SIK2: variants seen among roughly 807,000 people sequenced by gnomAD.
SIK2 encodes the protein serine/threonine-protein kinase SIK2.
In SIK2, 29 loss-of-function variants were observed where a neutral mutation model predicts 103.2. The observed-to-expected ratio is 0.28, with a 90% CI of 0.21 to 0.38. The LOEUF is 0.38. Among genes scored for constraint, SIK2 ranks in the 10% least tolerant of loss-of-function variants. The pLI is 1.00. For synonymous variants in SIK2, 412 were observed against 446.1 expected, an observed-to-expected ratio of 0.92 and a Z score of 0.96; for missense variants, 879 against 1,171.0, an observed-to-expected ratio of 0.75 and a Z score of 3.64.
At position 111,721,005 on chromosome 11, in the gene SIK2, C is replaced by A. The variant is rs767344630; in HGVS notation, c.1887C>A (p.Asp629Glu). 2.8e-5 allele frequency: 45 copies of A among 1,614,070 alleles called. No individual in the cohort carries two copies. The highest frequency in any genetic ancestry group is 3.5e-5 in the Non-Finnish European group (41 of 1,180,034). Residue 629 changes from aspartate (D) to glutamate (E), a missense_variant, in exon 12 of 15, where the codon GAC becomes GAA. Asp to Glu is a conservative substitution (Grantham distance 45). Around this residue, in one of 7 missense-constraint regions of SIK2, gnomAD observed 375 missense variants for 416.3 expected, o/e 0.90. Transcript: ENST00000304987. ...LLYEQIGPEA[D>E]PNLAPAAPQL... Reference sequence around the variant, plus strand: ...ATGAACAAATAGGACCGGAGGCAGACCCTAACCTGGCGCCGGCGGCTCCTC... The same window carrying A: ...ATGAACAAATAGGACCGGAGGCAGAACCTAACCTGGCGCCGGCGGCTCCTC...
chr11:111,629,463 A>G (rs1337660667), intron 3 of SIK2, among the ~76,000 whole-genome samples: 1 of 152,228 alleles, frequency 6.6e-6, no homozygotes, highest in East Asian at 1.9e-4. Flanking sequence ...ATTGAAGAAT[A>G]CTGTGGTGTG....
In SIK2 at chr11:111,700,932, A is replaced by G. The variant is rs755695288; in HGVS notation, c.525A>G (p.Thr175=). Residue 175 remains threonine, a synonymous_variant, in exon 5 of 15, where the codon ACA becomes ACG. Transcript: ENST00000304987. ...NFFKSGELLA[T]WCGSPPYAAP... ...TTAAAAGTGGTGAACTGCTGGCAAC[A>G]TGGTGTGGCAGCCCCCCTTATGCAG... The G allele has an allele frequency of 2.5e-6, 4 of 1,614,080 alleles. No homozygotes were observed. The highest frequency in any genetic ancestry group is 1.3e-5 in the African/African-American group (1 of 75,020).
chr11:111,614,638 A>G (rs1409830469), intron 1 of SIK2, among the ~76,000 whole-genome samples: 4 of 152,178 alleles, frequency 2.6e-5, no homozygotes, highest in Non-Finnish European at 4.4e-5. Flanking sequence ...AGGAGAAAGA[A>G]GAGAAGTTGG....
intron 4 of SIK2, among the ~76,000 whole-genome samples, chr11:111,698,935 C>T (rs1943145548): frequency 6.6e-6 from 1 of 152,140 alleles, no homozygotes; most frequent in Non-Finnish European, 1.5e-5. Context: ...ACATCTAGTC[C>T]TTGACTCATG....
At chr11:111,616,787 T>C (rs1209960992) in intron 2 of SIK2, among the ~76,000 whole-genome samples, 1 of 151,916 alleles carries the variant, frequency 6.6e-6, no homozygotes. Flanking sequence ...AGCTATATCA[T>C]ACCACTACAC....
chr11:111,604,268 G>A (rs146824872), intron 1 of SIK2, among the ~76,000 whole-genome samples: 29 of 152,348 alleles, frequency 1.9e-4, no homozygotes, highest in African/African-American at 6.0e-4. Flanking sequence ...ATAAAAGAAG[G>A]CATTTTAAAT....
chr11:111,687,489 T>C (rs2135893147), intron 3 of SIK2, among the ~76,000 whole-genome samples: 1 of 136,234 alleles, frequency 7.3e-6, no homozygotes, highest in African/African-American at 2.7e-5. Flanking sequence ...CACTCCAGCC[T>C]GGGCAACAGA....
chr11:111,724,372 G>A lies in SIK2; in HGVS notation c.*243G>A, dbSNP rs540193400. On this transcript the variant is annotated 3_prime_UTR_variant, in exon 15 of 15. Transcript: ENST00000304987. ...TTGTAGGCTGAGGCTCCTGCCCTTC[G>A]GTCGAGTGGAGCAAGCTCTCGAGGG... 4.0e-5 allele frequency: 22 copies of A among 547,068 alleles called. No individual in the cohort carries two copies. The highest frequency in any genetic ancestry group is 2.3e-4 in the South Asian group (10 of 43,356). The allele number at this position is 547,068 out of a possible 1,614,324, so 33.9% of individuals were successfully genotyped here.
At chr11:111,719,405 A>C (rs1206556210) in intron 9 of SIK2, among the ~76,000 whole-genome samples, 16 of 149,826 alleles carry the variant, frequency 1.1e-4, no homozygotes, top group Admixed American at 3.3e-4. Flanking sequence ...AAAAAAAAAA[A>C]AACAACTCAT....
Position 111,727,178 on chromosome 11 carries a change from G to A in SIK2, c.*3049G>A, listed in dbSNP as rs1024868801. ...TCTGCCTGCACTGCCTTCTGTCACC[G>A]TGGGAAAAGGAGGCTGATGGTTCTC... On this transcript the variant is annotated 3_prime_UTR_variant, in exon 15 of 15. Transcript: ENST00000304987. 6.1e-5 allele frequency: 48 copies of A among 792,478 alleles called. No homozygotes were observed. The highest frequency in any genetic ancestry group is 8.5e-5 in the Non-Finnish European group (40 of 471,888). The allele number at this position is 792,478 out of a possible 1,614,324, so 49.1% of individuals were successfully genotyped here.
At chr11:111,719,394 T>TA (rs1343632389) in intron 9 of SIK2, among the ~76,000 whole-genome samples, 5,946 of 112,486 alleles carry the variant, frequency 0.053, 225 homozygotes, top group Non-Finnish European at 0.077. Context: ...GCCAAGTAGT[T>TA]AAAAAAAAAA....
chr11:111,684,147 T>C (rs184828549), intron 3 of SIK2, among the ~76,000 whole-genome samples: 1 of 152,336 alleles, frequency 6.6e-6, no homozygotes, highest in East Asian at 1.9e-4. Context: ...TAACTTTAGA[T>C]TCAGATATAC....
Position 111,660,839 on chromosome 11 carries a change from C to CTTTTTTTTTTTTTTT in SIK2, c.317-27151_317-27137dup, listed in dbSNP as rs57174726. 1.9e-3 allele frequency among the ~76,000 whole-genome samples: 172 copies of CTTTTTTTTTTTTTTT among 90,364 alleles called. 1 individual carries two copies. Among genetic ancestry groups the CTTTTTTTTTTTTTTT allele is most frequent in the Middle Eastern group, 0.018 (2 of 112 alleles). 59.3% of individuals were successfully genotyped at this position (90,364 alleles called of 152,430 possible). A position where few individuals can be genotyped will look rare whatever the true frequency, so the allele number is the denominator to read the frequency against. ...TTTAATATCCAAGCTGTGAAGTTGG[C>CTTTTTTTTTTTTTTT]TTTTTTTTTTTTTTTTTTTTTTTTT... On this transcript the variant is annotated intron_variant, in intron 3 of 14. Transcript: ENST00000304987.
intron 1 of SIK2, among the ~76,000 whole-genome samples, chr11:111,607,712 G>A (rs1374010491): frequency 6.6e-6 from 1 of 152,062 alleles, no homozygotes; most frequent in Non-Finnish European, 1.5e-5. Flanking sequence ...GAATTTTTCT[G>A]TAGTTTTTGG....
rs553877289 is a variant in SIK2, at chr11:111,728,237, A to C, written c.*4108A>C. The C allele has an allele frequency of 2.8e-4, 42 of 152,160 alleles. No homozygotes were observed. The highest frequency in any genetic ancestry group is 1.0e-3 in the African/African-American group (42 of 41,512). 9.4% of individuals were successfully genotyped at this position (152,160 alleles called of 1,614,324 possible). ...GAGAACAGGGAAGCTCGTAAGTTGG[A>C]GTCATTGTACAGGCAGGGATCTTTG... On this transcript the variant is annotated 3_prime_UTR_variant, in exon 15 of 15. Coordinates refer to ENST00000304987, the MANE Select transcript of SIK2 (RefSeq NM_015191.3).
intron 3 of SIK2, among the ~76,000 whole-genome samples, chr11:111,649,836 T>C (rs1427760301): frequency 6.6e-6 from 1 of 152,176 alleles, no homozygotes; most frequent in Non-Finnish European, 1.5e-5. Context: ...CACTTTCTCA[T>C]AACTAACAAG....
intron 3 of SIK2, among the ~76,000 whole-genome samples, chr11:111,635,793 G>A (rs1942101775): frequency 6.6e-6 from 1 of 152,192 alleles, no homozygotes; most frequent in Non-Finnish European, 1.5e-5. Context: ...GCAGCCTGCC[G>A]TTAGTTATGG....
At chr11:111,693,137 T>C (rs963233252) in intron 4 of SIK2, among the ~76,000 whole-genome samples, 1 of 151,800 alleles carries the variant, frequency 6.6e-6, no homozygotes, top group African/African-American at 2.4e-5. Flanking sequence ...TTCGAGACCA[T>C]CCTGGCCAAC....
chr11:111,699,562 A>G (rs1943161765), intron 4 of SIK2, among the ~76,000 whole-genome samples: 1 of 152,186 alleles, frequency 6.6e-6, no homozygotes, highest in South Asian at 2.1e-4. Context: ...AAAACTGGTA[A>G]TTAGCTGTAG....
Sources: allele counts gnomAD v4.1 joint callset (sites outside exome capture counted in the v4.1 genomes callset), GRCh38; gene constraint gnomAD v4.1.1; regional missense constraint gnomAD v4.1.1; transcripts MANE v1.5; gene names NCBI Gene and HGNC (gene_info 2026-07-23, HGNC 2026-07-21).